FARP1: variants seen among roughly 807,000 people sequenced by gnomAD.
FARP1 encodes FERM, ARH/RhoGEF and pleckstrin domain protein 1.
A neutral mutation model predicts 128.8 loss-of-function variants in FARP1; 52 were observed. The ratio of observed to expected loss-of-function variants is 0.40; its 90% confidence interval spans 0.32 to 0.51. FARP1 has a LOEUF of 0.51. FARP1 is among the 20% of genes least tolerant of loss of function. The pLI is 0.45. For missense variants in FARP1, 1,333 were observed against 1,367.9 expected (o/e 0.97, Z 0.40); for synonymous variants, 580 against 551.8 (o/e 1.05, Z -0.72).
intron 16 of FARP1, among the ~76,000 whole-genome samples, chr13:98,415,993 A>G (rs1891361661): frequency 1.3e-5 from 2 of 152,238 alleles, no homozygotes; most frequent in Admixed American, 1.3e-4. Context: ...CAGTGTCTGG[A>G]AGGGGCTTAG....
chr13:98,367,333 C>T (rs1315475022), intron 4 of FARP1, among the ~76,000 whole-genome samples: 2 of 152,106 alleles, frequency 1.3e-5, no homozygotes, highest in African/African-American at 2.4e-5. Context: ...ATTTTTAGTA[C>T]AGACAGGGTT....
Position 98,431,251 on chromosome 13 carries a change from C to A in FARP1, c.2114C>A (p.Pro705Gln). ...VLERLCKHHP[P>Q]SHADFRDCRA... ...GAGCGGCTGTGCAAACACCACCCGC[C>A]GAGCCACGCCGACTTCAGGGACTGC... is the stretch of plus-strand genomic sequence containing the variant. Residue 705 changes from proline to glutamine, a missense_variant, in exon 18 of 27, where the codon CCG becomes CAG. By Grantham distance (76) the Pro-to-Gln change is moderately conservative (BLOSUM62 -1). Around this residue, in one of 2 missense-constraint regions of FARP1, gnomAD observed 1,009 missense variants for 969.8 expected, o/e 1.04. Coordinates refer to ENST00000319562, the MANE Select transcript of FARP1 (RefSeq NM_005766.4). 6.3e-7 allele frequency: 1 copy of A among 1,581,034 alleles called. No individual in the cohort carries two copies. The highest frequency in any genetic ancestry group is 2.3e-5 in the East Asian group (1 of 42,778).
At chr13:98,172,786 G>A (rs185885) in intron 1 of FARP1, among the ~76,000 whole-genome samples, 40,117 of 152,038 alleles carry the variant, frequency 0.26, 6,416 homozygotes, top group Non-Finnish European at 0.35. Context: ...CTTTCTCCTT[G>A]AACATCTGTG....
chr13:98,298,665 T>C (rs1885801255), intron 2 of FARP1, among the ~76,000 whole-genome samples: 2 of 152,186 alleles, frequency 1.3e-5, no homozygotes, highest in South Asian at 2.1e-4. Context: ...CATCAGCACT[T>C]CATTAATTCT....
At chr13:98,428,762 GTA>G (rs1308175337) in intron 17 of FARP1, among the ~76,000 whole-genome samples, 2 of 152,118 alleles carry the variant, frequency 1.3e-5, no homozygotes, top group Non-Finnish European at 2.9e-5. Context: ...TGGCTCTTTG[GTA>G]TATACAGGGA....
rs541113829 is a variant in FARP1, at chr13:98,202,647, G to GTGTGTGCT, written c.-23-10571_-23-10564dup. On this transcript the variant is annotated intron_variant, in intron 1 of 26. Transcript: ENST00000319562. Reference sequence around the variant, plus strand: ...AGTGGGGCAGGAGTAGTTGGTAGGAGTGTGTGCTTTTAGTAGATTAAATTA... The same window carrying GTGTGTGCT: ...AGTGGGGCAGGAGTAGTTGGTAGGAGTGTGTGCTTGTGTGCTTTTAGTAGATTAAATTA... Among the ~76,000 whole-genome samples, 5 of 152,224 alleles carry GTGTGTGCT rather than the reference G, an allele frequency of 3.3e-5. No individual in the cohort carries two copies. The East Asian group carries it at 9.6e-4, about 29-fold the overall frequency.
At chr13:98,443,870 A>G (rs2139145091) in intron 24 of FARP1, among the ~76,000 whole-genome samples, 1 of 152,380 alleles carries the variant, frequency 6.6e-6, no homozygotes, top group South Asian at 2.1e-4. Flanking sequence ...CGGGGTGCAG[A>G]CAGGACCGGA....
intron 2 of FARP1, among the ~76,000 whole-genome samples, chr13:98,289,036 T>G (rs1038739400): frequency 2.0e-5 from 3 of 151,604 alleles, no homozygotes; most frequent in Non-Finnish European, 2.9e-5. Context: ...TTATAACTCA[T>G]TAATGTTTGC....
rs1228118882 is a variant in FARP1 at position 98,396,556 on chromosome 13, A to G, written c.1414+1080A>G. On this transcript the variant is annotated intron_variant, in intron 13 of 26. Transcript: ENST00000319562. ...TCACGAGACCAGGGTTTCCCTAAAG[A>G]TCATCTGTTCTAGTGACTCATTCAT... The G allele has an allele frequency of 8.5e-5, 34 of 398,914 alleles. 1 individual carries two copies. In the East Asian group the frequency reaches 1.1e-3, roughly 13 times the overall value. The allele number at this position is 398,914 out of a possible 1,614,324, so 24.7% of individuals were successfully genotyped here. A position where few individuals can be genotyped will look rare whatever the true frequency, so the allele number is the denominator to read the frequency against.
rs1365232104 is a variant in FARP1 at position 98,435,613 on chromosome 13, C to T, written c.2181C>T (p.Leu727=). ...AGATCACGGAGATGGTGGCACAGCT[C>T]CACGGTACGATGATCAAGATGGAGA... The part of the protein sequence containing the change: ...LAEITEMVAQ[L]HGTMIKMENF... The change falls in exon 19 of 27, where the codon CTC becomes CTT. Residue 727 remains leucine (L), a synonymous_variant. Coordinates refer to ENST00000319562, the MANE Select transcript of FARP1 (RefSeq NM_005766.4). 6.2e-7 allele frequency: 1 copy of T among 1,613,884 alleles called. No homozygotes were observed. Among genetic ancestry groups the T allele is most frequent in the Admixed American group, 1.7e-5 (1 of 60,008 alleles).
chr13:98,260,537 C>T (rs914814878), intron 2 of FARP1, among the ~76,000 whole-genome samples: 8 of 152,180 alleles, frequency 5.3e-5, no homozygotes, highest in African/African-American at 1.9e-4. Context: ...GAACTCAATC[C>T]AGCTCAACTC....
In FARP1 at chr13:98,198,754, T is replaced by C. The variant is rs151105606; in HGVS notation, c.-23-14466T>C. ...TTAGCTGGGCACGGTGGCACATGCC[T>C]GTAATCCCAGGTACTAAGGAGGCCA... On this transcript the variant is annotated intron_variant, in intron 1 of 26. Transcript: ENST00000319562. Among the ~76,000 whole-genome samples the C allele has an allele frequency of 2.0e-3, 308 of 151,452 alleles. 1 individual carries two copies. Among genetic ancestry groups the C allele is most frequent in the African/African-American group, 7.0e-3 (288 of 41,242 alleles).
intron 16 of FARP1, among the ~76,000 whole-genome samples, chr13:98,415,147 G>C (rs1205894819): frequency 6.6e-6 from 1 of 152,168 alleles, no homozygotes; most frequent in Non-Finnish European, 1.5e-5. Context: ...CCCAAACCTG[G>C]CGGTGCCTCA....
At chr13:98,221,624 T>C (rs1054062854) in intron 2 of FARP1, among the ~76,000 whole-genome samples, 2 of 152,162 alleles carry the variant, frequency 1.3e-5, no homozygotes, top group Admixed American at 6.5e-5. Context: ...ATTGAGGGGG[T>C]TGCACTTTGC....
chr13:98,258,020 C>A (rs1373364193), intron 2 of FARP1, among the ~76,000 whole-genome samples: 1 of 152,076 alleles, frequency 6.6e-6, no homozygotes, highest in Non-Finnish European at 1.5e-5. Context: ...GTTGCCCAGG[C>A]TAGAGTGCAG....
chr13:98,310,409 C>T (rs1886407106), intron 2 of FARP1, among the ~76,000 whole-genome samples: 1 of 152,210 alleles, frequency 6.6e-6, no homozygotes, highest in Non-Finnish European at 1.5e-5. Flanking sequence ...TCATCATCCA[C>T]ACAGCTGTGC....
At chr13:98,359,112 A>G (rs1178043803) in intron 3 of FARP1, among the ~76,000 whole-genome samples, 1 of 152,208 alleles carries the variant, frequency 6.6e-6, no homozygotes, top group African/African-American at 2.4e-5. Flanking sequence ...ACTTTTGTTG[A>G]GTCCTTTAGC....
chr13:98,443,080 T>A (rs1414242468), intron 24 of FARP1, among the ~76,000 whole-genome samples: 1 of 152,244 alleles, frequency 6.6e-6, no homozygotes, highest in African/African-American at 2.4e-5. Flanking sequence ...AGGGGCACGC[T>A]GGCCCCCAGC....
intron 2 of FARP1, among the ~76,000 whole-genome samples, chr13:98,248,196 AG>A (rs1883161593): frequency 6.6e-6 from 1 of 152,188 alleles, no homozygotes; most frequent in Admixed American, 6.5e-5. Context: ...GCATGAGTAA[AG>A]GATAGATTTT....
Sources: allele counts gnomAD v4.1 joint callset (sites outside exome capture counted in the v4.1 genomes callset), GRCh38; gene constraint gnomAD v4.1.1; regional missense constraint gnomAD v4.1.1; transcripts MANE v1.5; gene names NCBI Gene and HGNC (gene_info 2026-07-23, HGNC 2026-07-21).